Variants in SATB2 observed in about 807,000 individuals in gnomAD.
SATB2 encodes DNA-binding protein SATB2.
Under a neutral mutation model 73.4 loss-of-function variants are expected in SATB2, and 1 was observed. The observed-to-expected ratio is 0.01, with a 90% CI of 0.00 to 0.06. The LOEUF (loss-of-function observed/expected upper bound fraction) is 0.06. SATB2 is among the 10% of genes least tolerant of loss of function. The pLI, the probability that SATB2 is intolerant of heterozygous loss-of-function variation, is 1.00. For synonymous variants in SATB2, 397 were observed against 367.0 expected, an observed-to-expected ratio of 1.08 and a Z score of -0.93; for missense variants, 459 against 945.8, an observed-to-expected ratio of 0.49 and a Z score of 6.75.
chr2:199,368,922 C>A (rs559935438), intron 5 of SATB2: 48 of 461,764 alleles, frequency 1.0e-4, no homozygotes, highest in Non-Finnish European at 1.8e-4. Flanking sequence ...AAAGCCAACC[C>A]TGGGGCAATG....
intron 10 of SATB2, among the ~76,000 whole-genome samples, chr2:199,281,404 T>C (rs1250926629): frequency 4.6e-5 from 7 of 151,618 alleles, no homozygotes; most frequent in Non-Finnish European, 1.0e-4. Flanking sequence ...ATGACAAGCC[T>C]CACCCAAAGC....
At chr2:199,357,737 C>G (rs1174183097) in intron 6 of SATB2, among the ~76,000 whole-genome samples, 1 of 151,980 alleles carries the variant, frequency 6.6e-6, no homozygotes, top group Non-Finnish European at 1.5e-5. Flanking sequence ...TAAATCCCCT[C>G]CCATTATCTT....
chr2:199,409,167 CTTTTTTTTTTTTT>C, intron 3 of SATB2, among the ~76,000 whole-genome samples: 1 of 115,240 alleles, frequency 8.7e-6, no homozygotes, highest in Middle Eastern at 5.6e-3. Flanking sequence ...TTTTTCTTTT[CTTTTTTTTTTTTT>C]TTTTTTGAGA....
Position 199,350,502 on chromosome 2 carries a change from G to A in SATB2, c.701-1329C>T, listed in dbSNP as rs527480251. Among the ~76,000 whole-genome samples, 9 of 152,054 alleles carry A rather than the reference G, an allele frequency of 5.9e-5. No homozygotes were observed. In the East Asian group the frequency reaches 1.5e-3, roughly 26 times the overall value. The stretch of plus-strand genomic sequence containing the variant: ...AATAAAGTCAATGAACTGTATGGGT[G>A]GAAAAAAGTAGTATTTCTAAATTAA... On this transcript the variant is annotated intron_variant, in intron 6 of 10. Transcript: ENST00000417098.
At chr2:199,417,034 T>TCACACACA (rs1448560964) in intron 3 of SATB2, among the ~76,000 whole-genome samples, 25 of 70,922 alleles carry the variant, frequency 3.5e-4, no homozygotes, top group African/African-American at 1.2e-3. Flanking sequence ...AGACTCCGTC[T>TCACACACA]CTCACACACA....
chr2:199,359,604 T>A (rs1178686271), intron 6 of SATB2, among the ~76,000 whole-genome samples: 1 of 152,196 alleles, frequency 6.6e-6, no homozygotes, highest in East Asian at 1.9e-4. Context: ...AATAAGTTCA[T>A]CTATATTACA....
At position 199,342,281 on chromosome 2, in the gene SATB2, A is replaced by G. The variant is rs1333757323; in HGVS notation, c.1173+6420T>C. ...TGGCCACAGGTTAAAGTGCTTAGAA[A>G]TGTATCATGGGATTGCCTGAATATT... is the stretch of plus-strand genomic sequence containing the variant. On this transcript the variant is annotated intron_variant, in intron 7 of 10. Transcript: ENST00000417098. Among the ~76,000 whole-genome samples, 3 of 152,098 alleles carry G rather than the reference A, an allele frequency of 2.0e-5. No individual in the cohort carries two copies. In the East Asian group the frequency reaches 5.8e-4, roughly 29 times the overall value.
At chr2:199,345,611 G>T (rs1688627767) in intron 7 of SATB2, among the ~76,000 whole-genome samples, 1 of 152,064 alleles carries the variant, frequency 6.6e-6, no homozygotes, top group African/African-American at 2.4e-5. Context: ...TTGAAGCCTG[G>T]TGTCAGTTCT....
chr2:199,358,281 G>T (rs1325088408), intron 6 of SATB2, among the ~76,000 whole-genome samples: 2 of 151,950 alleles, frequency 1.3e-5, no homozygotes, highest in East Asian at 3.9e-4. Context: ...GAGGTATAAG[G>T]TCAATTTATT....
intron 7 of SATB2, among the ~76,000 whole-genome samples, chr2:199,332,420 C>T (rs930180443): frequency 6.6e-6 from 1 of 152,052 alleles, no homozygotes; most frequent in East Asian, 1.9e-4. Flanking sequence ...ATTTTGCAAG[C>T]TTCATATAAT....
intron 10 of SATB2, among the ~76,000 whole-genome samples, chr2:199,273,875 T>C (rs1453166380): frequency 6.6e-6 from 1 of 152,184 alleles, no homozygotes; most frequent in Non-Finnish European, 1.5e-5. Flanking sequence ...CCCACAGGCC[T>C]ATGTGAGAAG....
At chr2:199,316,768 C>T (rs1166016576) in intron 9 of SATB2, among the ~76,000 whole-genome samples, 1 of 152,042 alleles carries the variant, frequency 6.6e-6, no homozygotes, top group Non-Finnish European at 1.5e-5. Flanking sequence ...TACACCTTTA[C>T]ACATATAAAT....
chr2:199,450,528 T>A (rs1028819990), intron 2 of SATB2, among the ~76,000 whole-genome samples: 1 of 152,080 alleles, frequency 6.6e-6, no homozygotes, highest in South Asian at 2.1e-4. Flanking sequence ...AATAAAACAA[T>A]GTACATATTT....
At chr2:199,278,193 C>A (rs1429740822) in intron 10 of SATB2, among the ~76,000 whole-genome samples, 1 of 152,130 alleles carries the variant, frequency 6.6e-6, no homozygotes, top group Non-Finnish European at 1.5e-5. Context: ...TGAAGCCCAG[C>A]CATGTGGAAG....
chr2:199,351,299 T>A (rs1558996764), intron 6 of SATB2, among the ~76,000 whole-genome samples: 1 of 151,842 alleles, frequency 6.6e-6, no homozygotes, highest in Non-Finnish European at 1.5e-5. Flanking sequence ...GTAACTGGGA[T>A]TACTGGCATG....
At chr2:199,353,148 C>CTTTTTTT (rs11369554) in intron 6 of SATB2, among the ~76,000 whole-genome samples, 16 of 88,026 alleles carry the variant, frequency 1.8e-4, no homozygotes, top group Non-Finnish European at 2.8e-4. Flanking sequence ...ACGTTTTTGT[C>CTTTTTTT]TTTTTTTTTT....
chr2:199,385,284 G>A (rs942790383), intron 3 of SATB2, among the ~76,000 whole-genome samples: 2 of 152,032 alleles, frequency 1.3e-5, no homozygotes, highest in South Asian at 2.1e-4. Flanking sequence ...ACAGGTATAT[G>A]CCACCACACC....
intron 10 of SATB2, among the ~76,000 whole-genome samples, chr2:199,289,419 G>C (rs1692784317): frequency 6.6e-6 from 1 of 152,124 alleles, no homozygotes; most frequent in African/African-American, 2.4e-5. Flanking sequence ...TTTCTCACAA[G>C]CAAGATTCCA....
chr2:199,465,942 T>A (rs1692584830), upstream of SATB2, among the ~76,000 whole-genome samples: 3 of 152,194 alleles, frequency 2.0e-5, no homozygotes, highest in South Asian at 6.2e-4. Flanking sequence ...AAAAGTCGGC[T>A]CCAGAAGTTA....
Sources: gnomAD v4.1 joint callset for allele counts (sites outside exome capture counted in the v4.1 genomes callset) on GRCh38, gnomAD v4.1.1 for gene constraint, MANE v1.5 for transcripts, NCBI Gene and HGNC (gene_info 2026-07-23, HGNC 2026-07-21) for gene names.